SLIT3: variants seen among roughly 807,000 people sequenced by gnomAD.
SLIT3 encodes slit homolog 3 protein.
A neutral mutation model predicts 184.0 loss-of-function variants in SLIT3; 68 were observed. The observed-to-expected ratio is 0.37, with a 90% confidence interval of 0.30 to 0.45. SLIT3 has a LOEUF of 0.45. Among genes scored for constraint, SLIT3 ranks in the 20% least tolerant of loss-of-function variants. The pLI is 1.00. For synonymous variants in SLIT3, 831 were observed against 828.6 expected, an observed-to-expected ratio of 1.00 and a Z score of -0.05; for missense variants, 1,707 against 2,026.0, an observed-to-expected ratio of 0.84 and a Z score of 3.02.
At position 169,238,093 on chromosome 5, in the gene SLIT3, C is replaced by G. The variant is rs961004548; in HGVS notation, c.341+6612G>C. 1.6e-4 allele frequency among the ~76,000 whole-genome samples: 25 copies of G among 152,292 alleles called. No homozygotes were observed. The South Asian group carries it at 5.0e-3, about 30-fold the overall frequency. ...TGTGTGTCTATTTTTTCACAAATAT[C>G]ATGCTGTCTGGATTACTATAGCTTT... is the stretch of plus-strand genomic sequence containing the variant. On this transcript the variant is annotated intron_variant, in intron 3 of 35. Coordinates refer to ENST00000519560, the MANE Select transcript of SLIT3 (RefSeq NM_003062.4).
chr5:168,705,361 A>C (rs1762343997), intron 26 of SLIT3, among the ~76,000 whole-genome samples: 1 of 152,156 alleles, frequency 6.6e-6, no homozygotes, highest in Non-Finnish European at 1.5e-5. Context: ...TAATACATGT[A>C]CCTTATTTAG....
At chr5:169,271,490 C>T (rs1050607576) in intron 1 of SLIT3, among the ~76,000 whole-genome samples, 3 of 152,272 alleles carry the variant, frequency 2.0e-5, no homozygotes, top group East Asian at 1.9e-4. Context: ...TTTACTCTGA[C>T]GTGGCCTGGG....
intron 23 of SLIT3, among the ~76,000 whole-genome samples, chr5:168,713,153 C>T (rs530345363): frequency 2.0e-4 from 30 of 152,320 alleles, no homozygotes; most frequent in African/African-American, 6.7e-4. Flanking sequence ...GTTATGGAAA[C>T]GGCTTTGGCA....
chr5:168,772,695 G>C, intron 14 of SLIT3, 86 bp downstream of exon 14: 1 of 1,463,702 alleles, frequency 6.8e-7, no homozygotes, highest in Non-Finnish European at 9.5e-7. Context: ...TACAGTGCTC[G>C]CTGTCCTCCA....
chr5:168,764,981 G>A (rs1204599134), intron 14 of SLIT3, among the ~76,000 whole-genome samples: 1 of 152,126 alleles, frequency 6.6e-6, no homozygotes, highest in East Asian at 1.9e-4. Flanking sequence ...CTTGTTCTCC[G>A]CACCAGTGGA....
At chr5:168,957,358 C>A (rs183769645) in intron 4 of SLIT3, among the ~76,000 whole-genome samples, 168 of 152,238 alleles carry the variant, frequency 1.1e-3, no homozygotes, top group African/African-American at 4.0e-3. Context: ...AGCCACTGTG[C>A]CCAGCCCCTT....
intron 5 of SLIT3, among the ~76,000 whole-genome samples, chr5:168,867,850 C>T (rs1051699032): frequency 1.4e-4 from 22 of 152,166 alleles, no homozygotes; most frequent in Non-Finnish European, 3.1e-4. Flanking sequence ...CCTGCAGCTG[C>T]AGGAAAAACC....
intron 20 of SLIT3, among the ~76,000 whole-genome samples, chr5:168,737,572 G>A (rs1763479612): frequency 6.6e-6 from 1 of 152,188 alleles, no homozygotes; most frequent in Non-Finnish European, 1.5e-5. Flanking sequence ...CTGGAGCTAT[G>A]TCATCCTTCC....
chr5:168,997,732 C>G (rs1755563022), intron 4 of SLIT3, among the ~76,000 whole-genome samples: 1 of 152,138 alleles, frequency 6.6e-6, no homozygotes, highest in Non-Finnish European at 1.5e-5. Flanking sequence ...GGAAGGGAAA[C>G]AGGAGAGAAG....
intron 1 of SLIT3, among the ~76,000 whole-genome samples, chr5:169,287,019 A>ACGG (rs1442680852): frequency 2.1e-4 from 32 of 152,358 alleles, no homozygotes; most frequent in African/African-American, 7.0e-4. Flanking sequence ...AGGAGGGCAC[A>ACGG]CGGCAGGGGG....
chr5:168,815,095 CA>C (rs1285423908), intron 8 of SLIT3, among the ~76,000 whole-genome samples: 1 of 152,164 alleles, frequency 6.6e-6, no homozygotes, highest in Admixed American at 6.5e-5. Context: ...CTCATGTTCT[CA>C]AAAGACACCT....
intron 20 of SLIT3, among the ~76,000 whole-genome samples, chr5:168,745,475 G>A (rs914726285): frequency 2.6e-5 from 4 of 151,588 alleles, no homozygotes; most frequent in Admixed American, 6.6e-5. Flanking sequence ...GCAGTGGCAC[G>A]ATCTTGGCTC....
At chr5:168,948,693 T>C (rs1279233601) in intron 4 of SLIT3, among the ~76,000 whole-genome samples, 1 of 152,240 alleles carries the variant, frequency 6.6e-6, no homozygotes, top group Non-Finnish European at 1.5e-5. Flanking sequence ...CAAAGTCTAA[T>C]GTGACCCCAA....
intron 4 of SLIT3, among the ~76,000 whole-genome samples, chr5:169,032,509 ATTT>A (rs3072089): frequency 3.4e-5 from 5 of 145,316 alleles, no homozygotes; most frequent in African/African-American, 1.0e-4. Flanking sequence ...TGTGCCAGTC[ATTT>A]TTTTTTTTTA....
chr5:168,701,555 G>A (rs1319906473), intron 26 of SLIT3, among the ~76,000 whole-genome samples: 2 of 152,196 alleles, frequency 1.3e-5, no homozygotes, highest in East Asian at 3.9e-4. Context: ...TGAGGGCAGC[G>A]GCCCTGAGGA....
At chr5:168,793,241 C>T (rs775545500) in intron 10 of SLIT3, among the ~76,000 whole-genome samples, 6 of 152,160 alleles carry the variant, frequency 3.9e-5, no homozygotes, top group Non-Finnish European at 8.8e-5. Context: ...CTCCCCCCTC[C>T]CCTTTTTTCT....
intron 4 of SLIT3, among the ~76,000 whole-genome samples, chr5:169,144,416 T>G (rs1291470340): frequency 6.6e-6 from 1 of 152,248 alleles, no homozygotes; most frequent in Non-Finnish European, 1.5e-5. Context: ...TCACTGCTTC[T>G]AATTATTTAT....
At chr5:168,700,745 A>G in intron 26 of SLIT3, 66 bp from the exon 27 acceptor site, 1 of 1,174,644 alleles carries the variant, frequency 8.5e-7, no homozygotes, top group African/African-American at 1.5e-5. Context: ...GGCCCAGGGG[A>G]CTCCAGGGGT....
intron 4 of SLIT3, among the ~76,000 whole-genome samples, chr5:169,129,417 T>C (rs1451620865): frequency 6.6e-6 from 1 of 151,882 alleles, no homozygotes; most frequent in Admixed American, 6.6e-5. Flanking sequence ...CCGGATGTGG[T>C]GGTGGGCGCC....
Sources: allele counts gnomAD v4.1 joint callset (sites outside exome capture counted in the v4.1 genomes callset), GRCh38; gene constraint gnomAD v4.1.1; transcripts MANE v1.5; gene names NCBI Gene and HGNC (gene_info 2026-07-23, HGNC 2026-07-21).